The following MEGF11 variants were observed in gnomAD, a reference collection of about 807,000 sequenced individuals.
MEGF11 encodes the protein multiple EGF like domains 11, also known as multiple epidermal growth factor-like domains protein 11.
Under a neutral mutation model 146.6 loss-of-function variants are expected in MEGF11, and 126 were observed. The ratio of observed to expected loss-of-function variants is 0.86; its 90% CI spans 0.74 to 1.00. MEGF11 has a LOEUF of 1.00. MEGF11 is among the 50% of genes least tolerant of loss of function. The probability of loss-of-function intolerance (pLI) is 0.00; values close to 1 mark genes in which losing one functional copy is unlikely to be tolerated. For synonymous variants in MEGF11, 532 were observed against 583.4 expected (o/e 0.91, Z 1.27); for missense variants, 1,509 against 1,521.2 (o/e 0.99, Z 0.13).
At chr15:65,968,387 C>G (rs1210838529) in intron 8 of MEGF11, among the ~76,000 whole-genome samples, 1 of 152,144 alleles carries the variant, frequency 6.6e-6, no homozygotes, top group Non-Finnish European at 1.5e-5. Context: ...GATACCTGTT[C>G]CTTTTCAAAC....
At chr15:66,085,766 CTCT>C (rs1368124966) in intron 5 of MEGF11, among the ~76,000 whole-genome samples, 3 of 152,210 alleles carry the variant, frequency 2.0e-5, no homozygotes, top group Non-Finnish European at 4.4e-5. Flanking sequence ...CAAAACAAGG[CTCT>C]TCAACACCCC....
At chr15:66,127,025 C>T (rs149325703) in intron 2 of MEGF11, among the ~76,000 whole-genome samples, 39 of 152,306 alleles carry the variant, frequency 2.6e-4, no homozygotes, top group Admixed American at 5.2e-4. Flanking sequence ...CAGTAACTGA[C>T]GCTTATGGCC....
At chr15:66,244,936 A>G (rs2092273278) in intron 1 of MEGF11, among the ~76,000 whole-genome samples, 1 of 152,190 alleles carries the variant, frequency 6.6e-6, no homozygotes, top group Non-Finnish European at 1.5e-5. Flanking sequence ...CTTATATCCA[A>G]CTGGGAAGAC....
chr15:65,962,283 C>G (rs540345498), intron 9 of MEGF11, among the ~76,000 whole-genome samples: 2 of 152,170 alleles, frequency 1.3e-5, no homozygotes, highest in Non-Finnish European at 2.9e-5. Flanking sequence ...AAGCGCAGCA[C>G]GAGAGAGTTC....
chr15:65,971,709 C>T (rs1295049129), intron 7 of MEGF11, among the ~76,000 whole-genome samples: 1 of 152,238 alleles, frequency 6.6e-6, no homozygotes, highest in Admixed American at 6.5e-5. Flanking sequence ...CGCCTGACAT[C>T]TCCCTCCACC....
chr15:65,955,793 T>TATATATATACACACAC (rs1555455862), intron 10 of MEGF11, among the ~76,000 whole-genome samples: 4 of 6,762 alleles, frequency 5.9e-4, no homozygotes, highest in Admixed American at 2.5e-3. Context: ...TATATATATA[T>TATATATATACACACAC]ACACACACAC....
intron 5 of MEGF11, among the ~76,000 whole-genome samples, chr15:66,064,599 C>G (rs943749638): frequency 6.6e-6 from 1 of 151,446 alleles, no homozygotes; most frequent in Admixed American, 6.6e-5. Context: ...CTCACTGCAG[C>G]CGCCAACTCC....
intron 10 of MEGF11, among the ~76,000 whole-genome samples, chr15:65,934,571 T>A (rs905876325): frequency 6.6e-6 from 1 of 152,120 alleles, no homozygotes; most frequent in African/African-American, 2.4e-5. Flanking sequence ...TCGTTTTGTA[T>A]GCTAATGACT....
intron 4 of MEGF11, among the ~76,000 whole-genome samples, chr15:66,097,982 G>C (rs2086624200): frequency 6.6e-6 from 1 of 152,170 alleles, no homozygotes; most frequent in Non-Finnish European, 1.5e-5. Context: ...TTGGATGACA[G>C]GATCTAAATG....
chr15:65,971,983 C>G (rs1230519622), intron 7 of MEGF11, among the ~76,000 whole-genome samples: 1 of 151,938 alleles, frequency 6.6e-6, no homozygotes, highest in African/African-American at 2.4e-5. Context: ...GAACAGAGTG[C>G]TATAAAATAG....
At chr15:66,038,773 G>A (rs2083828820) in intron 5 of MEGF11, among the ~76,000 whole-genome samples, 1 of 152,156 alleles carries the variant, frequency 6.6e-6, no homozygotes, top group South Asian at 2.1e-4. Context: ...CAGTTTCCTA[G>A]GGCAGATGAT....
chr15:66,040,166 C>T (rs958407217), intron 5 of MEGF11: 6 of 154,908 alleles, frequency 3.9e-5, no homozygotes, highest in Non-Finnish European at 8.8e-5. Context: ...ACAAATGTAA[C>T]CCAGTCGAAA....
At chr15:66,174,623 C>T (rs1183551593) in intron 1 of MEGF11, among the ~76,000 whole-genome samples, 1 of 151,528 alleles carries the variant, frequency 6.6e-6, no homozygotes, top group Non-Finnish European at 1.5e-5. Context: ...TCTAGATGAT[C>T]CCAACCCCAT....
intron 1 of MEGF11, among the ~76,000 whole-genome samples, chr15:66,213,443 A>C (rs913701042): frequency 3.3e-5 from 5 of 152,192 alleles, no homozygotes; most frequent in Admixed American, 2.6e-4. Flanking sequence ...AGTGAACAAC[A>C]CAGACAAAAT....
intron 15 of MEGF11, 150 bp downstream of exon 15, chr15:65,922,188 T>A: frequency 1.2e-6 from 1 of 864,998 alleles, no homozygotes; most frequent in Non-Finnish European, 1.8e-6. Flanking sequence ...CATGTGGGGC[T>A]CAATTCTCAT....
intron 1 of MEGF11, among the ~76,000 whole-genome samples, chr15:66,136,127 C>G (rs989568944): frequency 6.6e-6 from 1 of 152,166 alleles, no homozygotes; most frequent in African/African-American, 2.4e-5. Context: ...ATTTAACTGC[C>G]CTGAGCCTCC....
At chr15:66,072,081 G>A (rs927999091) in intron 5 of MEGF11, among the ~76,000 whole-genome samples, 5 of 152,142 alleles carry the variant, frequency 3.3e-5, no homozygotes, top group African/African-American at 7.2e-5. Flanking sequence ...AGATGCCTTC[G>A]CGTCCCCAGC....
chr15:66,069,991 G>A (rs1013138593), intron 5 of MEGF11, among the ~76,000 whole-genome samples: 6 of 152,238 alleles, frequency 3.9e-5, no homozygotes, highest in Admixed American at 2.6e-4. Context: ...GCTGACCACC[G>A]CTCTAAGAAA....
intron 1 of MEGF11, among the ~76,000 whole-genome samples, chr15:66,152,553 G>T (rs28476597): frequency 0.14 from 21,240 of 152,240 alleles, 2,094 homozygotes; most frequent in African/African-American, 0.28. Flanking sequence ...GGTCCTGTGG[G>T]TAGGACAGGG....
Sources: gnomAD v4.1 joint callset for allele counts (sites outside exome capture counted in the v4.1 genomes callset) on GRCh38, gnomAD v4.1.1 for gene constraint, MANE v1.5 for transcripts, NCBI Gene and HGNC (gene_info 2026-07-23, HGNC 2026-07-21) for gene names.